The following EPM2A variants were observed in gnomAD, a reference collection of about 807,000 sequenced individuals.
EPM2A encodes EPM2A glucan phosphatase, laforin.
A neutral mutation model predicts 26.5 loss-of-function variants in EPM2A; 21 were observed. That is an observed-to-expected ratio of 0.79 (90% CI 0.56 to 1.14). The LOEUF is 1.14. Among genes scored for constraint, EPM2A ranks in the 50% most tolerant of loss-of-function variants. The probability of loss-of-function intolerance (pLI) is 0.00; values close to 1 mark genes in which losing one functional copy is unlikely to be tolerated. For missense variants in EPM2A, 458 were observed against 440.8 expected (o/e 1.04, Z -0.35); for synonymous variants, 217 against 177.6 (o/e 1.22, Z -1.76).
At chr6:145,596,553 T>A (rs983576089) in intron 2 of EPM2A, among the ~76,000 whole-genome samples, 4 of 152,186 alleles carry the variant, frequency 2.6e-5, no homozygotes, top group African/African-American at 9.7e-5. Context: ...ATATTATAAT[T>A]TAATTCCCCT....
chr6:145,575,999 C>G (rs1781026331), intron 2 of EPM2A, among the ~76,000 whole-genome samples: 1 of 152,194 alleles, frequency 6.6e-6, no homozygotes, highest in East Asian at 1.9e-4. Flanking sequence ...CCACGCCTGG[C>G]TAATTTTTGT....
intron 2 of EPM2A, among the ~76,000 whole-genome samples, chr6:145,557,909 G>A (rs555403670): frequency 7.4e-4 from 113 of 152,072 alleles, no homozygotes; most frequent in African/African-American, 2.6e-3. Flanking sequence ...CCAGCCCCCG[G>A]TAACCAGCAG....
At chr6:145,567,059 C>T (rs1341613573) in intron 2 of EPM2A, among the ~76,000 whole-genome samples, 3 of 152,164 alleles carry the variant, frequency 2.0e-5, no homozygotes, top group African/African-American at 7.2e-5. Context: ...GTACTAGGCC[C>T]CATCCTATTG....
intron 4 of EPM2A, among the ~76,000 whole-genome samples, chr6:145,409,025 A>G (rs1374786889): frequency 6.6e-6 from 1 of 152,192 alleles, no homozygotes; most frequent in Non-Finnish European, 1.5e-5. Context: ...CAAAAAAATT[A>G]TTTATTTTGC....
chr6:145,525,453 T>C (rs1464838782), intron 2 of EPM2A, among the ~76,000 whole-genome samples: 2 of 152,058 alleles, frequency 1.3e-5, no homozygotes, highest in Admixed American at 1.3e-4. Context: ...TGTTTTTCCA[T>C]TTGCTTGTGC....
rs1244956665 is a variant in EPM2A, at chr6:145,399,264, C to T, written c.556-15167G>A. 2.6e-5 allele frequency among the ~76,000 whole-genome samples: 4 copies of T among 152,140 alleles called. No individual in the cohort carries two copies. The East Asian group carries it at 5.8e-4, about 22-fold the overall frequency. ...AACATAACTTTGGGACTATCACTTGCTCTCCCCTAGGTTATGTGTTTATAT... is the reference window on the plus strand; with the variant it reads ...AACATAACTTTGGGACTATCACTTGTTCTCCCCTAGGTTATGTGTTTATAT... On this transcript the variant is annotated intron_variant, in intron 4 of 4. Coordinates refer to the EPM2A transcript ENST00000638717.
chr6:145,672,614 C>G (rs1316711748), intron 2 of EPM2A, among the ~76,000 whole-genome samples: 1 of 152,246 alleles, frequency 6.6e-6, no homozygotes, highest in Non-Finnish European at 1.5e-5. Context: ...AGCTGGGAAA[C>G]TTTCCCTCCC....
chr6:145,473,274 C>T (rs550110610), intron 4 of EPM2A, among the ~76,000 whole-genome samples: 16 of 150,660 alleles, frequency 1.1e-4, no homozygotes, highest in Non-Finnish European at 2.1e-4. Flanking sequence ...CTGAAGAATA[C>T]ATCAGAGTAC....
chr6:145,581,649 T>C (rs1781115946), intron 2 of EPM2A, among the ~76,000 whole-genome samples: 1 of 152,230 alleles, frequency 6.6e-6, no homozygotes, highest in African/African-American at 2.4e-5. Flanking sequence ...AAATCTTTAA[T>C]CCATCTTGAG....
Position 145,713,642 on chromosome 6 carries a change from C to T in EPM2A, c.301+21556G>A, listed in dbSNP as rs150203747. 2.7e-3 allele frequency among the ~76,000 whole-genome samples: 411 copies of T among 152,260 alleles called. 5 individuals carry two copies. The highest frequency in any genetic ancestry group is 9.4e-3 in the African/African-American group (392 of 41,554). Reference sequence around the variant, plus strand: ...CACTGCTGGTGAGTGGAAAATAGTGCAGTCACCTTGGAAAACAGTCTGGAA... The same window carrying T: ...CACTGCTGGTGAGTGGAAAATAGTGTAGTCACCTTGGAAAACAGTCTGGAA... On this transcript the variant is annotated intron_variant, in intron 1 of 3. Coordinates refer to ENST00000367519, the MANE Select transcript of EPM2A (RefSeq NM_005670.4).
chr6:145,507,519 G>A (rs1779993535), intron 2 of EPM2A, among the ~76,000 whole-genome samples: 1 of 152,176 alleles, frequency 6.6e-6, no homozygotes, highest in Non-Finnish European at 1.5e-5. Flanking sequence ...CAGTTAGGGA[G>A]AGGCTGAGAG....
intron 2 of EPM2A, chr6:145,637,981 G>A (rs1776820784): frequency 6.6e-6 from 1 of 152,194 alleles, no homozygotes; most frequent in African/African-American, 2.4e-5. Context: ...AGCTGGAAAA[G>A]AGGGAAGTGG....
intron 4 of EPM2A, among the ~76,000 whole-genome samples, chr6:145,405,845 T>C (rs1197231518): frequency 1.3e-5 from 2 of 152,168 alleles, no homozygotes; most frequent in African/African-American, 4.8e-5. Flanking sequence ...TATTATAAGC[T>C]GTGCAAGTGT....
At chr6:145,507,936 G>C (rs1384934599) in intron 2 of EPM2A, among the ~76,000 whole-genome samples, 1 of 152,132 alleles carries the variant, frequency 6.6e-6, no homozygotes, top group East Asian at 1.9e-4. Context: ...TCAGTGGGGA[G>C]ACAGTGCCCC....
At chr6:145,662,218 A>G (rs139404710) in intron 2 of EPM2A, among the ~76,000 whole-genome samples, 199 of 152,326 alleles carry the variant, frequency 1.3e-3, no homozygotes, top group African/African-American at 4.5e-3. Flanking sequence ...AACAAACTGT[A>G]AACATACAAG....
At chr6:145,483,191 C>T (rs1779631725) in intron 4 of EPM2A, among the ~76,000 whole-genome samples, 3 of 151,898 alleles carry the variant, frequency 2.0e-5, no homozygotes, top group African/African-American at 7.3e-5. Flanking sequence ...TTATTTAAAC[C>T]TACCTCCTAA....
intron 1 of EPM2A, among the ~76,000 whole-genome samples, chr6:145,690,068 G>A (rs1047979006): frequency 1.3e-5 from 2 of 152,186 alleles, no homozygotes; most frequent in Middle Eastern, 3.4e-3. Flanking sequence ...CTAATGGAGA[G>A]TTAGAACTAC....
At chr6:145,498,747 T>C (rs1779852622), downstream of EPM2A, among the ~76,000 whole-genome samples, 1 of 152,166 alleles carries the variant, frequency 6.6e-6, no homozygotes, top group Admixed American at 6.5e-5. Context: ...TTGAAGGTGC[T>C]GTATTTTCTG....
chr6:145,446,377 C>CTGGTAT (rs1429861166), intron 4 of EPM2A, among the ~76,000 whole-genome samples: 2 of 152,102 alleles, frequency 1.3e-5, no homozygotes, highest in Non-Finnish European at 2.9e-5. Flanking sequence ...ATAACTAGAT[C>CTGGTAT]ATCAGTGGGC....
Sources: gnomAD v4.1 joint callset for allele counts (sites outside exome capture counted in the v4.1 genomes callset) on GRCh38, gnomAD v4.1.1 for gene constraint, MANE v1.5 for transcripts, NCBI Gene and HGNC (gene_info 2026-07-23, HGNC 2026-07-21) for gene names.